Variants in ADGRL2 observed in about 807,000 individuals in gnomAD.
ADGRL2 encodes adhesion G protein-coupled receptor L2, also known as calcium-independent alpha-latrotoxin receptor 2.
Under a neutral mutation model 157.4 loss-of-function variants are expected in ADGRL2, and 44 were observed. The observed-to-expected ratio is 0.28, with a 90% CI of 0.22 to 0.36. The LOEUF (loss-of-function observed/expected upper bound fraction) is 0.36. Ranked by LOEUF, ADGRL2 falls within the 10% of genes least tolerant of loss-of-function variation. The probability of loss-of-function intolerance (pLI) is 1.00; values close to 1 mark genes in which losing one functional copy is unlikely to be tolerated. For missense variants in ADGRL2, 1,510 were observed against 1,768.9 expected, an observed-to-expected ratio of 0.85 and a Z score of 2.63; for synonymous variants, 585 against 624.7, an observed-to-expected ratio of 0.94 and a Z score of 0.95.
At chr1:81,444,504 C>T (rs756201735) in intron 1 of ADGRL2, among the ~76,000 whole-genome samples, 2 of 152,180 alleles carry the variant, frequency 1.3e-5, no homozygotes, top group Non-Finnish European at 1.5e-5. Context: ...GATTTGCCCT[C>T]ACATCTGTGC....
At chr1:81,474,485 C>T (rs2078233200) in intron 2 of ADGRL2, among the ~76,000 whole-genome samples, 1 of 152,124 alleles carries the variant, frequency 6.6e-6, no homozygotes, top group African/African-American at 2.4e-5. Flanking sequence ...CCTGGTATGC[C>T]TACAGAGTCT....
intron 3 of ADGRL2, among the ~76,000 whole-genome samples, chr1:81,690,306 A>G (rs1173347443): frequency 6.6e-6 from 1 of 152,164 alleles, no homozygotes; most frequent in Non-Finnish European, 1.5e-5. Flanking sequence ...CAACCTGGCC[A>G]ACATGGCGAA....
chr1:81,353,785 A>T (rs1663085220), intron 1 of ADGRL2, among the ~76,000 whole-genome samples: 1 of 152,172 alleles, frequency 6.6e-6, no homozygotes, highest in African/African-American at 2.4e-5. Context: ...GAACGTGTCA[A>T]GGATGCTATG....
chr1:81,584,322 A>G (rs1179236684), intron 3 of ADGRL2, among the ~76,000 whole-genome samples: 1 of 152,122 alleles, frequency 6.6e-6, no homozygotes, highest in Non-Finnish European at 1.5e-5. Flanking sequence ...AGGACTTGGA[A>G]CTTAAATGGG....
At chr1:81,712,912 C>T (rs1371195459) in intron 1 of ADGRL2, among the ~76,000 whole-genome samples, 1 of 151,770 alleles carries the variant, frequency 6.6e-6, no homozygotes, top group Non-Finnish European at 1.5e-5. Context: ...CAGGCATGCA[C>T]CACCACGCCC....
intron 3 of ADGRL2, among the ~76,000 whole-genome samples, chr1:81,606,775 C>CGT (rs1359866534): frequency 1.4e-5 from 2 of 140,286 alleles, no homozygotes; most frequent in African/African-American, 2.5e-5. Context: ...TGTGTGTGTG[C>CGT]GCACGCGTGT....
At chr1:81,412,795 A>G (rs2076969039) in intron 1 of ADGRL2, among the ~76,000 whole-genome samples, 1 of 152,188 alleles carries the variant, frequency 6.6e-6, no homozygotes. Context: ...AGAATAAGTG[A>G]CATACACATA....
At chr1:81,344,033 G>A (rs11809882) in intron 1 of ADGRL2, among the ~76,000 whole-genome samples, 18,806 of 152,050 alleles carry the variant, frequency 0.12, 1,726 homozygotes, top group African/African-American at 0.26. Flanking sequence ...TATGGATTTC[G>A]TAGTAGATTG....
intron 1 of ADGRL2, among the ~76,000 whole-genome samples, chr1:81,706,977 C>T (rs891891043): frequency 1.3e-5 from 2 of 152,098 alleles, no homozygotes; most frequent in African/African-American, 2.4e-5. Context: ...AAGCATTAAG[C>T]TTTCTAGGGG....
chr1:81,804,015 T>C (rs1357461495), intron 1 of ADGRL2, among the ~76,000 whole-genome samples: 1 of 152,142 alleles, frequency 6.6e-6, no homozygotes, highest in Non-Finnish European at 1.5e-5. Context: ...CCTTAGAAAA[T>C]AGGCACTAAA....
chr1:81,475,141 G>A (rs762802544), intron 2 of ADGRL2, among the ~76,000 whole-genome samples: 10 of 151,956 alleles, frequency 6.6e-5, no homozygotes, highest in Non-Finnish European at 1.3e-4. Context: ...CAACAATAAG[G>A]ATAAAACACA....
At chr1:81,799,175 G>A (rs1037311927), upstream of ADGRL2, among the ~76,000 whole-genome samples, 2 of 152,170 alleles carry the variant, frequency 1.3e-5, no homozygotes, top group African/African-American at 2.4e-5. Context: ...TTTGACATAT[G>A]TAAAAACTTA....
intron 2 of ADGRL2, among the ~76,000 whole-genome samples, chr1:81,484,466 A>G (rs78766128): frequency 0.1 from 15,465 of 152,220 alleles, 1,083 homozygotes; most frequent in Non-Finnish European, 0.14. Context: ...TTGTTCCACT[A>G]TGACTTTACA....
intron 1 of ADGRL2, among the ~76,000 whole-genome samples, chr1:81,399,044 G>T (rs1313859561): frequency 2.0e-5 from 3 of 152,172 alleles, no homozygotes; most frequent in African/African-American, 7.2e-5. Flanking sequence ...AAGCTTAACA[G>T]GAAGCATGAC....
At chr1:81,742,663 G>A (rs1183455392) in intron 1 of ADGRL2, among the ~76,000 whole-genome samples, 1 of 152,024 alleles carries the variant, frequency 6.6e-6, no homozygotes, top group Non-Finnish European at 1.5e-5. Flanking sequence ...TTTTCCTGTT[G>A]TGATTGTTAT....
intron 3 of ADGRL2, among the ~76,000 whole-genome samples, chr1:81,667,079 A>G (rs933362924): frequency 6.6e-6 from 1 of 152,156 alleles, no homozygotes; most frequent in East Asian, 1.9e-4. Context: ...TAATACTACA[A>G]AGAAGCAATG....
chr1:81,435,833 A>G (rs1000355001), intron 1 of ADGRL2, among the ~76,000 whole-genome samples: 3 of 152,236 alleles, frequency 2.0e-5, no homozygotes, highest in Admixed American at 1.3e-4. Flanking sequence ...GCGGTGGCTC[A>G]TGCCTGTAAT....
chr1:81,869,402 G>GA (rs1225019931), intron 2 of ADGRL2, among the ~76,000 whole-genome samples: 2 of 152,028 alleles, frequency 1.3e-5, no homozygotes, highest in African/African-American at 4.8e-5. Context: ...ACAGTATAAA[G>GA]ATACACAGAT....
chr1:81,989,764 T>TG (rs1374091232), intron 23 of ADGRL2: 5 of 1,594,960 alleles, frequency 3.1e-6, no homozygotes, highest in Non-Finnish European at 4.3e-6. Context: ...TGTGGGCCCC[T>TG]GGTCCAGTCA....
Sources: gnomAD v4.1 joint callset for allele counts (sites outside exome capture counted in the v4.1 genomes callset) on GRCh38, gnomAD v4.1.1 for gene constraint, MANE v1.5 for transcripts, NCBI Gene and HGNC (gene_info 2026-07-23, HGNC 2026-07-21) for gene names.